Variants in SDHC observed in about 807,000 individuals in gnomAD.
SDHC encodes the protein succinate dehydrogenase complex subunit C, also known as succinate dehydrogenase cytochrome b560 subunit, mitochondrial.
SDHC carries 11 observed loss-of-function variants against 22.6 expected under a neutral mutation model. The ratio of observed to expected loss-of-function variants is 0.49; its 90% CI spans 0.31 to 0.81. The LOEUF is 0.81. Among genes scored for constraint, SDHC ranks in the 30% least tolerant of loss-of-function variants. SDHC has a pLI of 0.05. For missense variants in SDHC, 160 were observed against 212.0 expected (o/e 0.75, Z 1.52); for synonymous variants, 80 against 77.8 (o/e 1.03, Z -0.15).
chr1:161,362,596 T>G lies in SDHC; in HGVS notation c.*163T>G. 1 of 1,608,702 alleles carries G rather than the reference T, an allele frequency of 6.2e-7. No homozygotes were observed. Among genetic ancestry groups the G allele is most frequent in the Non-Finnish European group, 8.5e-7 (1 of 1,177,862 alleles). On this transcript the variant is annotated 3_prime_UTR_variant, in exon 6 of 6. Coordinates refer to ENST00000367975, the MANE Select transcript of SDHC (RefSeq NM_003001.5). ...CAGTAGAGTACCTGGTAGACCATAATAGTGGAAAAGGGTCTAGTTTTCCCC... is the reference window on the plus strand; with the variant it reads ...CAGTAGAGTACCTGGTAGACCATAAGAGTGGAAAAGGGTCTAGTTTTCCCC...
chr1:161,314,540 G>A, intron 1 of SDHC, 115 bp downstream of exon 1: 1 of 1,318,054 alleles, frequency 7.6e-7, no homozygotes, highest in Admixed American at 1.8e-5. Context: ...AGGACCCATG[G>A]GTGTGGAGGC....
At chr1:161,355,984 CAAAA>C (rs60684612) in intron 4 of SDHC, among the ~76,000 whole-genome samples, 6 of 88,358 alleles carry the variant, frequency 6.8e-5, no homozygotes, top group Non-Finnish European at 2.4e-5. Context: ...GACTCTGTCT[CAAAA>C]AAAAAAAAAA....
rs60345130 is a variant in SDHC at position 161,328,203 on chromosome 1, T to C, written c.78-193T>C. On this transcript the variant is annotated intron_variant, in intron 2 of 5. Transcript: ENST00000367975. ...TTTTAGTAGAGACGAGGTTTCTCCA[T>C]GTTGGTCAGGCTGGTCTCGAACTTG... is the stretch of plus-strand genomic sequence containing the variant. Among the ~76,000 whole-genome samples, 12,734 of 152,110 alleles carry C rather than the reference T, an allele frequency of 0.084. 672 individuals are homozygous for C. Among genetic ancestry groups the C allele is most frequent in the East Asian group, 0.21 (1,081 of 5,160 alleles).
intron 3 of SDHC, among the ~76,000 whole-genome samples, chr1:161,331,493 G>C (rs572158307): frequency 6.6e-6 from 1 of 152,074 alleles, no homozygotes; most frequent in South Asian, 2.1e-4. Flanking sequence ...TGTTGCCCAG[G>C]CTGGTCTCAA....
At chr1:161,315,152 G>C (rs1321842106) in intron 1 of SDHC, among the ~76,000 whole-genome samples, 1 of 152,218 alleles carries the variant, frequency 6.6e-6, no homozygotes, top group Non-Finnish European at 1.5e-5. Context: ...TCTAGTCACA[G>C]CGACTAGCGC....
Position 161,353,555 on chromosome 1 carries a change from C to G in SDHC, c.242-3122C>G, listed in dbSNP as rs370547278. Among the ~76,000 whole-genome samples the G allele has an allele frequency of 7.2e-5, 11 of 152,250 alleles. No homozygotes were observed. In the South Asian group the frequency reaches 2.3e-3, roughly 32 times the overall value. On this transcript the variant is annotated intron_variant, in intron 4 of 5. Coordinates refer to ENST00000367975, the MANE Select transcript of SDHC (RefSeq NM_003001.5). The stretch of plus-strand genomic sequence containing the variant: ...TCAAACTGTTTGAGTTCAGGTTTAC[C>G]TCAGTGTCTTCAGTAATTATTTTCA...
intron 4 of SDHC, among the ~76,000 whole-genome samples, chr1:161,347,324 G>T (rs1178741308): frequency 6.6e-6 from 1 of 151,920 alleles, no homozygotes; most frequent in African/African-American, 2.4e-5. Flanking sequence ...GCACGATCTC[G>T]GCTCACTGCA....
At chr1:161,328,572 T>A in intron 3 of SDHC, 75 bp downstream of exon 3, 2 of 1,046,910 alleles carry the variant, frequency 1.9e-6, no homozygotes, top group Non-Finnish European at 1.5e-6. Flanking sequence ...TTAGCCTACT[T>A]GATACTTCCC....
chr1:161,327,077 A>G (rs1167755969), intron 2 of SDHC, among the ~76,000 whole-genome samples: 2 of 152,052 alleles, frequency 1.3e-5, no homozygotes, highest in African/African-American at 2.4e-5. Context: ...AGCTCGGACC[A>G]TCATGCTTGG....
intron 2 of SDHC, chr1:161,326,563 A>G (rs935643190): frequency 1.1e-5 from 1 of 90,998 alleles, no homozygotes; most frequent in African/African-American, 3.8e-5. Context: ...TTTTTTTTAA[A>G]TATATATATA....
At chr1:161,352,131 C>T (rs1672118211) in intron 4 of SDHC, among the ~76,000 whole-genome samples, 2 of 152,176 alleles carry the variant, frequency 1.3e-5, no homozygotes, top group Non-Finnish European at 2.9e-5. Context: ...CTCTGAGGCA[C>T]TCAGATTCTA....
At chr1:161,357,280 C>G (rs1402595573) in intron 5 of SDHC, among the ~76,000 whole-genome samples, 2 of 152,154 alleles carry the variant, frequency 1.3e-5, no homozygotes, top group Non-Finnish European at 2.9e-5. Context: ...GAAAGCCAGA[C>G]AAGTTCACAA....
intron 3 of SDHC, among the ~76,000 whole-genome samples, chr1:161,332,125 A>G (rs762963550): frequency 6.6e-6 from 1 of 152,020 alleles, no homozygotes; most frequent in African/African-American, 2.4e-5. Context: ...CTACAGGTGC[A>G]TGCCACCACA....
intron 1 of SDHC, among the ~76,000 whole-genome samples, chr1:161,320,230 G>C (rs780260297): frequency 6.6e-6 from 1 of 152,066 alleles, no homozygotes. Context: ...TATGGGGGGG[G>C]TGGTGAAAGA....
intron 1 of SDHC, among the ~76,000 whole-genome samples, chr1:161,320,828 A>ATTTTTTC (rs1670809692): frequency 7.8e-6 from 1 of 127,680 alleles, no homozygotes; most frequent in Non-Finnish European, 1.6e-5. Context: ...TTCAGTCTTG[A>ATTTTTTC]TTTTTTTTTT....
rs1671683623 is a variant in SDHC, at chr1:161,340,576, T to G, written c.180-18T>G. The G allele has an allele frequency of 6.2e-7, 1 of 1,611,348 alleles. No homozygotes were observed. Among genetic ancestry groups the G allele is most frequent in the African/African-American group, 1.3e-5 (1 of 74,872 alleles). ...CATCTTTTCCTTTTTAAAATTGTCT[T>G]TGTGTGTTTCTTTACAGTTGGTCTC... On this transcript the variant is annotated intron_variant, in intron 3 of 5. Coordinates refer to ENST00000367975, the MANE Select transcript of SDHC (RefSeq NM_003001.5).
chr1:161,334,438 C>A (rs987982366), intron 3 of SDHC, among the ~76,000 whole-genome samples: 1 of 152,034 alleles, frequency 6.6e-6, no homozygotes, highest in Non-Finnish European at 1.5e-5. Context: ...CAGGGTCTCG[C>A]TGTGTTGCCC....
rs1049585773 is a variant in SDHC at position 161,358,360 on chromosome 1, T to C, written c.405+1520T>C. Among the ~76,000 whole-genome samples the C allele has an allele frequency of 5.9e-5, 9 of 151,994 alleles. 1 individual carries two copies. In the East Asian group the frequency reaches 1.7e-3, roughly 30 times the overall value. ...GTTGGCCAGCCTGGTCTTGAACTCT[T>C]GGCTTCCCAAAGTGCTGGGATTACA... is the stretch of plus-strand genomic sequence containing the variant. On this transcript the variant is annotated intron_variant, in intron 5 of 5. Transcript: ENST00000367975.
At chr1:161,348,583 G>A (rs1671986454) in intron 4 of SDHC, among the ~76,000 whole-genome samples, 1 of 150,892 alleles carries the variant, frequency 6.6e-6, no homozygotes, top group South Asian at 2.1e-4. Flanking sequence ...CACTTTGGGA[G>A]GCTGAGGCGG....
Sources: allele counts gnomAD v4.1 joint callset (sites outside exome capture counted in the v4.1 genomes callset), GRCh38; gene constraint gnomAD v4.1.1; transcripts MANE v1.5; gene names NCBI Gene and HGNC (gene_info 2026-07-23, HGNC 2026-07-21).